MAGI1: variants seen among roughly 807,000 people sequenced by gnomAD.
MAGI1 encodes membrane associated guanylate kinase, WW and PDZ domain containing 1.
In MAGI1, 58 loss-of-function variants were observed where a neutral mutation model predicts 139.9. The ratio of observed to expected loss-of-function variants is 0.41; its 90% CI spans 0.34 to 0.52. The LOEUF (loss-of-function observed/expected upper bound fraction) is 0.52, where lower values mean the gene tolerates loss of function less well. Among genes scored for constraint, MAGI1 ranks in the 20% least tolerant of loss-of-function variants. MAGI1 has a pLI of 0.12. For missense variants in MAGI1, 1,874 were observed against 1,901.6 expected (o/e 0.99, Z 0.27); for synonymous variants, 812 against 737.9 (o/e 1.10, Z -1.63).
At chr3:65,798,794 A>G (rs757713941) in intron 1 of MAGI1, among the ~76,000 whole-genome samples, 1 of 152,216 alleles carries the variant, frequency 6.6e-6, no homozygotes, top group Admixed American at 6.5e-5. Context: ...TAAACAATTC[A>G]TAAGTTTTAA....
At chr3:65,458,930 T>C (rs1484810397) in intron 5 of MAGI1, among the ~76,000 whole-genome samples, 2 of 152,240 alleles carry the variant, frequency 1.3e-5, no homozygotes, top group African/African-American at 4.8e-5. Flanking sequence ...AGTTTCATAG[T>C]TGGAGGTCTT....
intron 1 of MAGI1, among the ~76,000 whole-genome samples, chr3:65,624,866 T>C (rs921981180): frequency 6.6e-6 from 1 of 152,168 alleles, no homozygotes; most frequent in Non-Finnish European, 1.5e-5. Flanking sequence ...CTGGAGGAGA[T>C]GCCAATATAA....
In MAGI1 at chr3:65,530,852, C is replaced by CAT. The variant is rs1304344371; in HGVS notation, c.431-37222_431-37221insAT. 3.0e-4 allele frequency among the ~76,000 whole-genome samples: 37 copies of CAT among 123,024 alleles called. 2 individuals are homozygous for CAT. Among genetic ancestry groups the CAT allele is most frequent in the Non-Finnish European group, 1.2e-4 (7 of 59,806 alleles). 80.7% of individuals were successfully genotyped at this position (123,024 alleles called of 152,430 possible). A position where few individuals can be genotyped will look rare whatever the true frequency, so the allele number is the denominator to read the frequency against. On this transcript the variant is annotated intron_variant, in intron 2 of 22. Coordinates refer to ENST00000402939, the MANE Select transcript of MAGI1 (RefSeq NM_001033057.2). The stretch of plus-strand genomic sequence containing the variant: ...ATATATATATATACACACACACACA[C>CAT]ACATATATATATATATGGAGAGAGA...
intron 18 of MAGI1, among the ~76,000 whole-genome samples, chr3:65,367,214 G>T (rs1451886502): frequency 6.6e-6 from 1 of 152,176 alleles, no homozygotes. Context: ...TGATTGAATT[G>T]TACAGAGGTT....
At chr3:65,359,665 G>A in intron 22 of MAGI1, 2 of 988,422 alleles carry the variant, frequency 2.0e-6, no homozygotes, top group Non-Finnish European at 2.4e-6. Flanking sequence ...AATGGAATTA[G>A]AGAGATTTAG....
At chr3:65,820,168 A>C (rs1328682616) in intron 1 of MAGI1, among the ~76,000 whole-genome samples, 3 of 151,302 alleles carry the variant, frequency 2.0e-5, no homozygotes, top group Non-Finnish European at 4.4e-5. Flanking sequence ...TCAAAGTGAG[A>C]AAAAAAAACT....
chr3:65,797,012 A>AT (rs886608395), intron 1 of MAGI1, among the ~76,000 whole-genome samples: 21 of 150,370 alleles, frequency 1.4e-4, no homozygotes, highest in East Asian at 5.8e-4. Context: ...AATCATCTGT[A>AT]TTTTTTTTTT....
chr3:65,798,026 C>T (rs536226412), intron 1 of MAGI1, among the ~76,000 whole-genome samples: 1 of 152,152 alleles, frequency 6.6e-6, no homozygotes. Context: ...ATAGCCTTGG[C>T]CTGGTGCAGT....
At position 65,394,195 on chromosome 3, in the gene MAGI1, G is replaced by A. The variant is rs563767636; in HGVS notation, c.2200-2837C>T. Among the ~76,000 whole-genome samples, 101 of 152,222 alleles carry A rather than the reference G, an allele frequency of 6.6e-4. 2 individuals carry two copies. The highest frequency in any genetic ancestry group is 3.7e-4 in the Non-Finnish European group (25 of 68,020). On this transcript the variant is annotated intron_variant, in intron 13 of 22. Transcript: ENST00000402939. ...GATGGTTCCACCAGAAATAGAGAGT[G>A]CAAATGAAGTCTACTGGAAATGCTT...
intron 2 of MAGI1, among the ~76,000 whole-genome samples, chr3:65,617,562 G>A (rs2083442313): frequency 1.3e-5 from 2 of 152,124 alleles, no homozygotes; most frequent in Admixed American, 6.5e-5. Context: ...ATTAAGAGGA[G>A]CTGTGAACGG....
intron 1 of MAGI1, among the ~76,000 whole-genome samples, chr3:65,709,595 G>A (rs1306231680): frequency 6.6e-6 from 1 of 152,158 alleles, no homozygotes. Context: ...GTAGTCTTAC[G>A]GCTTTTCTTT....
intron 1 of MAGI1, among the ~76,000 whole-genome samples, chr3:65,856,260 G>C (rs1396479089): frequency 6.6e-6 from 1 of 152,062 alleles, no homozygotes; most frequent in Non-Finnish European, 1.5e-5. Context: ...AAGCAAAAGG[G>C]AATAGAAGAC....
intron 1 of MAGI1, among the ~76,000 whole-genome samples, chr3:65,891,847 C>T: frequency 7.8e-6 from 1 of 128,288 alleles, no homozygotes; most frequent in Non-Finnish European, 1.6e-5. Context: ...CGTAACAAAC[C>T]TGCACATTGT....
At chr3:65,596,249 T>C (rs1375315480) in intron 2 of MAGI1, among the ~76,000 whole-genome samples, 1 of 152,206 alleles carries the variant, frequency 6.6e-6, no homozygotes, top group East Asian at 1.9e-4. Flanking sequence ...TGGGTTACCA[T>C]GTGCATATGG....
chr3:65,576,955 T>G (rs2081205319), intron 2 of MAGI1, among the ~76,000 whole-genome samples: 2 of 152,198 alleles, frequency 1.3e-5, no homozygotes, highest in South Asian at 4.1e-4. Flanking sequence ...ATAACCCTAG[T>G]GCCTAGAACA....
At chr3:65,463,168 C>G (rs1949933557) in intron 5 of MAGI1, among the ~76,000 whole-genome samples, 2 of 152,246 alleles carry the variant, frequency 1.3e-5, no homozygotes, top group Non-Finnish European at 2.9e-5. Context: ...AGAGGGTATC[C>G]TTGTCTTGTG....
At chr3:65,488,255 G>A (rs577901102) in intron 3 of MAGI1, among the ~76,000 whole-genome samples, 10 of 152,264 alleles carry the variant, frequency 6.6e-5, no homozygotes, top group African/African-American at 2.4e-4. Context: ...CTCCTCTAGG[G>A]AGTCTGCCAA....
intron 1 of MAGI1, among the ~76,000 whole-genome samples, chr3:65,837,353 C>A (rs566217201): frequency 1.9e-4 from 29 of 152,140 alleles, no homozygotes; most frequent in African/African-American, 6.8e-4. Context: ...CACCTGCTGA[C>A]GGAAGATAAA....
At chr3:65,395,078 AG>A (rs1944274732) in intron 13 of MAGI1, among the ~76,000 whole-genome samples, 1 of 152,168 alleles carries the variant, frequency 6.6e-6, no homozygotes, top group South Asian at 2.1e-4. Context: ...GGCCCTCCTA[AG>A]TGTGCTGCCC....
Sources: allele counts gnomAD v4.1 joint callset (sites outside exome capture counted in the v4.1 genomes callset), GRCh38; gene constraint gnomAD v4.1.1; transcripts MANE v1.5; gene names NCBI Gene and HGNC (gene_info 2026-07-23, HGNC 2026-07-21).